The following COL14A1 variants were observed in gnomAD, a reference collection of about 807,000 sequenced individuals.
COL14A1 encodes the protein collagen type XIV alpha 1 chain.
A neutral mutation model predicts 230.3 loss-of-function variants in COL14A1; 136 were observed. The ratio of observed to expected loss-of-function variants is 0.59; its 90% confidence interval spans 0.51 to 0.68. COL14A1 has a LOEUF of 0.68. Among genes scored for constraint, COL14A1 ranks in the 30% least tolerant of loss-of-function variants. The pLI, the probability that COL14A1 is intolerant of heterozygous loss-of-function variation, is 0.00. For missense variants in COL14A1, 1,976 were observed against 2,215.8 expected, an observed-to-expected ratio of 0.89 and a Z score of 2.17; for synonymous variants, 792 against 784.1, an observed-to-expected ratio of 1.01 and a Z score of -0.17.
chr8:120,285,607 C>G (rs1246589124), intron 32 of COL14A1, among the ~76,000 whole-genome samples: 2 of 151,864 alleles, frequency 1.3e-5, no homozygotes. Context: ...AGAGTCTGGG[C>G]AAGGAAGTAC....
In COL14A1 at chr8:120,369,492, G is replaced by A; in HGVS notation, c.5311+7G>A. 6.5e-7 allele frequency: 1 copy of A among 1,541,830 alleles called. No homozygotes were observed. The highest frequency in any genetic ancestry group is 1.2e-5 in the South Asian group (1 of 81,432). ...TCTGCCTATGGTGTGAGAGGTAAGTGTCACAAAAAGCCCCGCTTGTGGGCT... is the reference window on the plus strand; with the variant it reads ...TCTGCCTATGGTGTGAGAGGTAAGTATCACAAAAAGCCCCGCTTGTGGGCT... On this transcript the variant is annotated splice_region_variant and intron_variant, in intron 47 of 47. Coordinates refer to ENST00000297848, the MANE Select transcript of COL14A1 (RefSeq NM_021110.4).
Position 120,290,157 on chromosome 8 carries a change from C to T in COL14A1, c.4236+391C>T, listed in dbSNP as rs542833873. ...CTCATTTATATAAGCAAATACAAAT[C>T]CACACAAAATTAGTGAATATTATAC... On this transcript the variant is annotated intron_variant, in intron 34 of 47. Coordinates refer to ENST00000297848, the MANE Select transcript of COL14A1 (RefSeq NM_021110.4). Among the ~76,000 whole-genome samples, 3 of 152,156 alleles carry T rather than the reference C, an allele frequency of 2.0e-5. No individual in the cohort carries two copies. The East Asian group carries it at 5.8e-4, about 29-fold the overall frequency.
chr8:120,145,678 G>A lies in COL14A1; in HGVS notation c.-37-2128G>A, dbSNP rs553106014. ...GTTTTGCCTAGCAGTTCTACAATTG[G>A]GAATTTAGCCAAAGTAAATAAATCA... On this transcript the variant is annotated intron_variant, in intron 1 of 47. Transcript: ENST00000297848. 2.3e-3 allele frequency among the ~76,000 whole-genome samples: 349 copies of A among 152,104 alleles called. 2 individuals carry two copies. Among genetic ancestry groups the A allele is most frequent in the African/African-American group, 8.0e-3 (334 of 41,510 alleles).
At chr8:120,316,112 T>G (rs1231785459) in intron 40 of COL14A1, 115 bp downstream of exon 40, 1 of 944,302 alleles carries the variant, frequency 1.1e-6, no homozygotes, top group African/African-American at 1.7e-5. Context: ...CTTTTTGTTT[T>G]CTCCTGTTTA....
intron 2 of COL14A1, among the ~76,000 whole-genome samples, chr8:120,157,431 C>T (rs2130517466): frequency 6.6e-6 from 1 of 152,182 alleles, no homozygotes; most frequent in Middle Eastern, 3.4e-3. Context: ...GGACAAACAA[C>T]AGGTCTCAGT....
At chr8:120,261,091 A>G (rs1356429907) in intron 23 of COL14A1, among the ~76,000 whole-genome samples, 1 of 152,222 alleles carries the variant, frequency 6.6e-6, no homozygotes, top group Admixed American at 6.5e-5. Context: ...ATAGCTGGAA[A>G]AAAAGAATTG....
intron 23 of COL14A1, among the ~76,000 whole-genome samples, chr8:120,258,388 G>T (rs1367389648): frequency 1.3e-5 from 2 of 152,118 alleles, no homozygotes; most frequent in Non-Finnish European, 2.9e-5. Flanking sequence ...GGCCTGGTTT[G>T]GGTCACATGC....
Position 120,366,778 on chromosome 8 carries a change from T to C in COL14A1, c.5078-393T>C, listed in dbSNP as rs552852364. 6.6e-5 allele frequency among the ~76,000 whole-genome samples: 10 copies of C among 152,278 alleles called. 1 individual carries two copies. Among genetic ancestry groups the C allele is most frequent in the African/African-American group, 2.4e-4 (10 of 41,562 alleles). On this transcript the variant is annotated intron_variant, in intron 45 of 47. Transcript: ENST00000297848. ...TGCCTTTTGCAGACACATTACAGAGTGGACCAAAAGGAAAATGTTAGACGT... is the reference window on the plus strand; with the variant it reads ...TGCCTTTTGCAGACACATTACAGAGCGGACCAAAAGGAAAATGTTAGACGT...
rs78388021 is a variant in COL14A1, at chr8:120,279,978, G to A, written c.3525G>A (p.Ser1175=). The A allele has an allele frequency of 4.5e-4, 719 of 1,613,726 alleles. 2 individuals are homozygous for A. In the African/African-American group the frequency reaches 8.6e-3, roughly 19 times the overall value. ...TTGGTGTGGCCGATGCAGATTACTC[G>A]GAGTTGGTTAGCATTGGCAGTAAGC... The part of the protein sequence containing the change: ...FAIGVADADY[S]ELVSIGSKPS... Residue 1175 remains serine (S), a synonymous_variant, in exon 29 of 48, where the codon TCG becomes TCA. Coordinates refer to ENST00000297848, the MANE Select transcript of COL14A1 (RefSeq NM_021110.4).
At chr8:120,283,603 T>C (rs369242149) in intron 31 of COL14A1, 33 bp from the exon 32 acceptor site, 305 of 1,565,312 alleles carry the variant, frequency 1.9e-4, no homozygotes, top group Non-Finnish European at 2.6e-4. Flanking sequence ...TGAGGAAGGA[T>C]ACAATGAAAC....
chr8:120,211,399 G>T (rs528041016), intron 12 of COL14A1, among the ~76,000 whole-genome samples: 65 of 152,250 alleles, frequency 4.3e-4, no homozygotes, highest in Non-Finnish European at 7.9e-4. Flanking sequence ...CAAAAAGATT[G>T]TGTTGATATG....
intron 9 of COL14A1, 69 bp from the exon 10 acceptor site, chr8:120,206,874 T>G: frequency 5.3e-5 from 74 of 1,386,732 alleles, no homozygotes; most frequent in Non-Finnish European, 6.2e-5. Flanking sequence ...TTCTGTCTAA[T>G]GAGATGTCTT....
chr8:120,355,474 C>T (rs547627298), intron 45 of COL14A1, among the ~76,000 whole-genome samples: 32 of 149,698 alleles, frequency 2.1e-4, no homozygotes, highest in African/African-American at 6.4e-4. Context: ...GGTGTGATCT[C>T]GGATCTTGGC....
intron 19 of COL14A1, among the ~76,000 whole-genome samples, chr8:120,237,428 C>A (rs1476070249): frequency 1.3e-5 from 2 of 152,288 alleles, no homozygotes; most frequent in East Asian, 3.9e-4. Flanking sequence ...GTATGCTTCA[C>A]AAAGTTCTTA....
intron 40 of COL14A1, among the ~76,000 whole-genome samples, chr8:120,328,713 T>A (rs1821769458): frequency 6.6e-6 from 1 of 152,236 alleles, no homozygotes; most frequent in Non-Finnish European, 1.5e-5. Flanking sequence ...ACTGACAGAC[T>A]TGTTTTTTAA....
chr8:120,263,144 G>T (rs1819393102), intron 24 of COL14A1, 130 bp downstream of exon 24: 4 of 1,016,718 alleles, frequency 3.9e-6, no homozygotes, highest in Non-Finnish European at 5.4e-6. Context: ...TACAAGTTTT[G>T]TTCCTCTTAC....
At chr8:120,344,382 T>C (rs1353209780) in intron 44 of COL14A1, among the ~76,000 whole-genome samples, 1 of 152,234 alleles carries the variant, frequency 6.6e-6, no homozygotes, top group Non-Finnish European at 1.5e-5. Flanking sequence ...ATCAGAATTA[T>C]GCTAGGAAGA....
chr8:120,238,830 G>A (rs1438597002), intron 19 of COL14A1, among the ~76,000 whole-genome samples: 2 of 152,106 alleles, frequency 1.3e-5, no homozygotes, highest in Non-Finnish European at 2.9e-5. Context: ...TCATGGCGTG[G>A]TCCCTCATGG....
In COL14A1 at chr8:120,291,723, A is replaced by G. The variant is rs1221346644; in HGVS notation, c.4236+1957A>G. On this transcript the variant is annotated intron_variant, in intron 34 of 47. Transcript: ENST00000297848. ...GAAAGTTAGTAGGCGTTCACTGAAG[A>G]GCAACTATTATTATTGAAGAAAGTC... 3.9e-5 allele frequency among the ~76,000 whole-genome samples: 6 copies of G among 152,100 alleles called. No individual in the cohort carries two copies. The East Asian group carries it at 9.6e-4, about 24-fold the overall frequency.
Sources: allele counts gnomAD v4.1 joint callset (sites outside exome capture counted in the v4.1 genomes callset), GRCh38; gene constraint gnomAD v4.1.1; transcripts MANE v1.5; gene names NCBI Gene and HGNC (gene_info 2026-07-23, HGNC 2026-07-21).